The following PTPRF variants were observed in gnomAD, a reference collection of about 807,000 sequenced individuals.
The protein encoded by PTPRF is receptor-type tyrosine-protein phosphatase F.
A neutral mutation model predicts 201.8 loss-of-function variants in PTPRF; 59 were observed. The observed-to-expected ratio is 0.29, with a 90% CI of 0.24 to 0.36. The LOEUF is 0.36. PTPRF is among the 10% of genes least tolerant of loss of function. The probability of loss-of-function intolerance (pLI) is 1.00; values close to 1 mark genes in which losing one functional copy is unlikely to be tolerated. For synonymous variants in PTPRF, 1,088 were observed against 1,089.7 expected (o/e 1.00, Z 0.03); for missense variants, 2,132 against 2,690.5 (o/e 0.79, Z 4.59).
chr1:43,543,484 C>G (rs185730736), intron 2 of PTPRF, among the ~76,000 whole-genome samples: 2 of 152,322 alleles, frequency 1.3e-5, no homozygotes, highest in East Asian at 3.9e-4. Flanking sequence ...TGTTGTTCAG[C>G]TCCTGTCTCA....
chr1:43,587,372 A>G (rs1649422756), intron 7 of PTPRF, among the ~76,000 whole-genome samples: 1 of 152,176 alleles, frequency 6.6e-6, no homozygotes, highest in South Asian at 2.1e-4. Context: ...GCCTGTGTGT[A>G]TGGAGAGAAA....
At chr1:43,523,962 C>T (rs1402161854), upstream of PTPRF, among the ~76,000 whole-genome samples, 1 of 144,392 alleles carries the variant, frequency 6.9e-6, no homozygotes, top group Non-Finnish European at 1.5e-5. Context: ...ACTCGGGAGG[C>T]TGAGGCACAA....
chr1:43,579,018 CT>C, intron 7 of PTPRF, 98 bp downstream of exon 7: 1 of 1,064,006 alleles, frequency 9.4e-7, no homozygotes, highest in Non-Finnish European at 1.4e-6. Context: ...ACGCAAGGGA[CT>C]GCCATGGGCC....
upstream of PTPRF, among the ~76,000 whole-genome samples, chr1:43,525,804 C>CAAAAAAAAA (rs1179056466): frequency 1.4e-3 from 51 of 35,564 alleles, 6 homozygotes; most frequent in Non-Finnish European, 2.0e-3. Flanking sequence ...GACTCAGTCT[C>CAAAAAAAAA]AAAAAAAAAA....
Position 43,619,275 on chromosome 1 carries a change from C to T in PTPRF, c.4647-13C>T. 6.2e-7 allele frequency: 1 copy of T among 1,612,394 alleles called. No individual in the cohort carries two copies. Among genetic ancestry groups the T allele is most frequent in the Non-Finnish European group, 8.5e-7 (1 of 1,179,438 alleles). ...GGGGCGCCTGTGCCTCAAGCTGAGC[C>T]CGTGTCCTGCAGCGCGGGCGTGGGC... On this transcript the variant is annotated splice_polypyrimidine_tract_variant and intron_variant, in intron 27 of 33. Transcript: ENST00000359947.
chr1:43,542,878 C>T lies in PTPRF; in HGVS notation c.-45-2153C>T, dbSNP rs1033944191. Reference sequence around the variant, plus strand: ...ACTGGGGAGCTATATCCCATGATGACGGTGCTGTGCATTTTATTTTCATAG... The same window carrying T: ...ACTGGGGAGCTATATCCCATGATGATGGTGCTGTGCATTTTATTTTCATAG... On this transcript the variant is annotated intron_variant, in intron 2 of 33. Coordinates refer to ENST00000359947, the MANE Select transcript of PTPRF (RefSeq NM_002840.5). This position sits in a 1 kb window ranked among gnomAD's most constrained non-coding sequence, Gnocchi z 5.2. Among the ~76,000 whole-genome samples the T allele has an allele frequency of 7.2e-5, 11 of 152,116 alleles. No individual in the cohort carries two copies. Among genetic ancestry groups the T allele is most frequent in the Admixed American group, 1.3e-4 (2 of 15,278 alleles).
intron 2 of PTPRF, among the ~76,000 whole-genome samples, chr1:43,541,984 G>A (rs1275984161): frequency 1.3e-5 from 2 of 152,214 alleles, no homozygotes; most frequent in Admixed American, 1.3e-4. Context: ...GTGTTCTGCT[G>A]TGAACACCGT....
In PTPRF at chr1:43,619,214, C is replaced by G; in HGVS notation, c.4646+12C>G. On this transcript the variant is annotated intron_variant, in intron 27 of 33. Coordinates refer to ENST00000359947, the MANE Select transcript of PTPRF (RefSeq NM_002840.5). Reference sequence around the variant, plus strand: ...GTGGTGCACTGCAGGTGAGAGGGTACAGTGCCACCCAGAGGGGTGGGTGGG... The same window carrying G: ...GTGGTGCACTGCAGGTGAGAGGGTAGAGTGCCACCCAGAGGGGTGGGTGGG... 6.4e-7 allele frequency: 1 copy of G among 1,552,290 alleles called. No individual in the cohort carries two copies. Among genetic ancestry groups the G allele is most frequent in the Non-Finnish European group, 8.7e-7 (1 of 1,144,254 alleles).
Position 43,590,955 on chromosome 1 carries a change from T to C in PTPRF, c.950-17T>C. On this transcript the variant is annotated splice_polypyrimidine_tract_variant and intron_variant, in intron 8 of 33. Transcript: ENST00000359947. ...TCTTGACCTCGGGCAGCTTTGAGCC[T>C]TCCACTTTGTCTCCAGCTCTTCCAA... The C allele has an allele frequency of 6.3e-7, 1 of 1,594,456 alleles. No homozygotes were observed. The highest frequency in any genetic ancestry group is 8.6e-7 in the Non-Finnish European group (1 of 1,165,910).
At chr1:43,550,935 G>A (rs1232722275) in intron 3 of PTPRF, among the ~76,000 whole-genome samples, 3 of 152,234 alleles carry the variant, frequency 2.0e-5, no homozygotes, top group African/African-American at 7.2e-5. Flanking sequence ...TGGCTGCAGG[G>A]AACATGACGT....
intron 28 of PTPRF, 44 bp from the exon 29 acceptor site, chr1:43,619,636 C>T: frequency 1.2e-6 from 2 of 1,610,698 alleles, no homozygotes; most frequent in Non-Finnish European, 1.7e-6. Flanking sequence ...ATGACCCCCA[C>T]CCCCACAGGA....
At chr1:43,618,549 G>A in intron 25 of PTPRF, 81 bp from the exon 26 acceptor site, 1 of 1,515,108 alleles carries the variant, frequency 6.6e-7, no homozygotes, top group Non-Finnish European at 9.0e-7. Flanking sequence ...CTACAGCCAG[G>A]GAGTTGACCA....
intron 5 of PTPRF, among the ~76,000 whole-genome samples, chr1:43,564,815 C>T (rs750978702): frequency 4.6e-5 from 7 of 152,144 alleles, no homozygotes; most frequent in South Asian, 2.1e-4. Context: ...TACTGACAGA[C>T]GGTGCTGCCT....
rs138552374 is a variant in PTPRF, at chr1:43,542,787, T to C, written c.-45-2244T>C. On this transcript the variant is annotated intron_variant, in intron 2 of 33. Coordinates refer to ENST00000359947, the MANE Select transcript of PTPRF (RefSeq NM_002840.5). The surrounding 1 kb of genome is among the most constrained non-coding windows in gnomAD (Gnocchi z 5.2). ...ATTACACCTCCATGATGTCTGCACC[T>C]GGGCGTTATACTGCTATGATTACTG... is the stretch of plus-strand genomic sequence containing the variant. 3.2e-4 allele frequency among the ~76,000 whole-genome samples: 49 copies of C among 152,288 alleles called. No homozygotes were observed. Among genetic ancestry groups the C allele is most frequent in the Non-Finnish European group, 8.8e-5 (6 of 68,010 alleles).
intron 14 of PTPRF, 99 bp downstream of exon 14, chr1:43,602,196 G>A: frequency 7.1e-7 from 1 of 1,411,860 alleles, no homozygotes; most frequent in South Asian, 1.2e-5. Context: ...GCACTGCCAA[G>A]ATCCACAGGG....
chr1:43,620,257 C>G, intron 30 of PTPRF, 36 bp downstream of exon 30: 1 of 1,610,308 alleles, frequency 6.2e-7, no homozygotes, highest in Non-Finnish European at 8.5e-7. Context: ...CCCTGTCATA[C>G]CTGGGAGAAC....
At chr1:43,594,836 C>T (rs182874313) in intron 11 of PTPRF, among the ~76,000 whole-genome samples, 8 of 152,214 alleles carry the variant, frequency 5.3e-5, no homozygotes, top group Admixed American at 2.0e-4. Context: ...TGGCAGTGCT[C>T]GGCAGGCTGT....
At chr1:43,568,891 C>T (rs1646371419) in intron 5 of PTPRF, among the ~76,000 whole-genome samples, 1 of 152,178 alleles carries the variant, frequency 6.6e-6, no homozygotes, top group Non-Finnish European at 1.5e-5. Flanking sequence ...TTTTTTATCT[C>T]CTTTGCCTCC....
Position 43,619,359 on chromosome 1 carries a change from C to A in PTPRF, c.4718C>A (p.Thr1573Lys). 1.9e-6 allele frequency: 3 copies of A among 1,614,024 alleles called. No individual in the cohort carries two copies. The highest frequency in any genetic ancestry group is 2.5e-6 in the Non-Finnish European group (3 of 1,180,012). The change falls in exon 28 of 34, where the codon ACG (threonine) becomes AAG (lysine). Residue 1573 changes from threonine to lysine, a missense_variant. Transcript: ENST00000359947. ...AMLERMKHEK[T>K]VDIYGHVTCM... ...TTGGAGCGGATGAAGCACGAGAAGACGGTGGACATCTATGGCCACGTGACC... is the reference window on the plus strand; with the variant it reads ...TTGGAGCGGATGAAGCACGAGAAGAAGGTGGACATCTATGGCCACGTGACC...
Sources: allele counts gnomAD v4.1 joint callset (sites outside exome capture counted in the v4.1 genomes callset), GRCh38; gene constraint gnomAD v4.1.1; non-coding constraint Gnocchi (gnomAD v3.1); transcripts MANE v1.5; gene names NCBI Gene and HGNC (gene_info 2026-07-23, HGNC 2026-07-21).